Variants in TMEM41B observed in about 807,000 individuals in gnomAD.
The protein encoded by TMEM41B is protein stasimon.
Under a neutral mutation model 31.9 loss-of-function variants are expected in TMEM41B, and 18 were observed. That is an observed-to-expected ratio of 0.56 (90% CI 0.39 to 0.84). The LOEUF (loss-of-function observed/expected upper bound fraction) is 0.84, where lower values mean the gene tolerates loss of function less well. Ranked by LOEUF, TMEM41B falls within the 40% of genes least tolerant of loss-of-function variation. TMEM41B has a pLI of 0.00. For synonymous variants in TMEM41B, 144 were observed against 124.3 expected (o/e 1.16, Z -1.05); for missense variants, 322 against 348.0 (o/e 0.93, Z 0.59).
At chr11:9,307,521 C>T (rs942174094) in intron 1 of TMEM41B, among the ~76,000 whole-genome samples, 6 of 151,774 alleles carry the variant, frequency 4.0e-5, no homozygotes, top group Non-Finnish European at 7.4e-5. Context: ...TGGCTTACCA[C>T]AACCTCCGTC....
chr11:9,307,065 T>C (rs779330104), intron 1 of TMEM41B, among the ~76,000 whole-genome samples: 4 of 152,202 alleles, frequency 2.6e-5, no homozygotes, highest in African/African-American at 4.8e-5. Context: ...ACTTCCAATA[T>C]GCATAAATCC....
intron 1 of TMEM41B, among the ~76,000 whole-genome samples, chr11:9,308,888 C>A (rs1853463947): frequency 6.6e-6 from 1 of 152,124 alleles, no homozygotes. Flanking sequence ...ATTTAGCTTA[C>A]CTGAAGCTTC....
intron 1 of TMEM41B, among the ~76,000 whole-genome samples, chr11:9,312,718 A>C (rs1360608465): frequency 1.3e-5 from 2 of 152,076 alleles, no homozygotes; most frequent in African/African-American, 2.4e-5. Context: ...ATCCTGGCTA[A>C]CAAGGTGAAA....
chr11:9,296,631 A>G (rs1163489978), intron 2 of TMEM41B, among the ~76,000 whole-genome samples: 1 of 151,650 alleles, frequency 6.6e-6, no homozygotes, highest in Non-Finnish European at 1.5e-5. Context: ...AAAGAAAGAA[A>G]GAAAAAAAGA....
At chr11:9,312,698 G>A (rs1590393425) in intron 1 of TMEM41B, among the ~76,000 whole-genome samples, 1 of 152,116 alleles carries the variant, frequency 6.6e-6, no homozygotes, top group Non-Finnish European at 1.5e-5. Context: ...CAGGTCAGGA[G>A]ATCGAGACCA....
chr11:9,312,419 T>C (rs1433825755), intron 1 of TMEM41B, among the ~76,000 whole-genome samples: 2 of 152,214 alleles, frequency 1.3e-5, no homozygotes, highest in Non-Finnish European at 2.9e-5. Flanking sequence ...GAAGATCGCA[T>C]GAGCCCAGGT....
Position 9,289,214 on chromosome 11 carries a change from C to A in TMEM41B, c.369-679G>T, listed in dbSNP as rs530327921. On this transcript the variant is annotated intron_variant, in intron 3 of 6. Transcript: ENST00000528080. ...GTCTGGCTGAGTTGCCCAGGCTAGT[C>A]TTGAACTCCTGGGCTCAAACGATCC... Among the ~76,000 whole-genome samples the A allele has an allele frequency of 1.8e-4, 27 of 152,262 alleles. 1 individual carries two copies. In the East Asian group the frequency reaches 3.5e-3, roughly 20 times the overall value.
chr11:9,284,714 G>T (rs903148130), intron 6 of TMEM41B, among the ~76,000 whole-genome samples: 3 of 151,880 alleles, frequency 2.0e-5, no homozygotes. Flanking sequence ...AATGAGCTGA[G>T]ATCACGCCAC....
chr11:9,309,968 C>T (rs933737372), intron 1 of TMEM41B, among the ~76,000 whole-genome samples: 1 of 151,074 alleles, frequency 6.6e-6, no homozygotes, highest in Non-Finnish European at 1.5e-5. Context: ...TTTCTAGAAG[C>T]AATAAAATCA....
intron 5 of TMEM41B, among the ~76,000 whole-genome samples, chr11:9,287,287 G>C (rs1590371733): frequency 1.3e-5 from 2 of 152,230 alleles, no homozygotes. Context: ...CTCCAGCCTG[G>C]GTGACAGAGT....
At position 9,312,339 on chromosome 11, in the gene TMEM41B, C is replaced by CA. The variant is rs568138558; in HGVS notation, c.121+1981dup. ...TCAAGACACCCTGGCCCCTTCTCTA[C>CA]AAAAAACAAATAATTAGCTGAGCAT... On this transcript the variant is annotated intron_variant, in intron 1 of 6. Transcript: ENST00000528080. Among the ~76,000 whole-genome samples, 38 of 152,218 alleles carry CA rather than the reference C, an allele frequency of 2.5e-4. No homozygotes were observed. In the South Asian group the frequency reaches 7.3e-3, roughly 29 times the overall value.
chr11:9,313,851 G>C (rs915798708), intron 1 of TMEM41B, among the ~76,000 whole-genome samples: 2 of 152,074 alleles, frequency 1.3e-5, no homozygotes, highest in Non-Finnish European at 2.9e-5. Context: ...GTAAACAGTA[G>C]GGCAGGGACT....
At chr11:9,313,225 A>C (rs1853605180) in intron 1 of TMEM41B, among the ~76,000 whole-genome samples, 1 of 152,338 alleles carries the variant, frequency 6.6e-6, no homozygotes, top group Admixed American at 6.5e-5. Flanking sequence ...AAATTATATG[A>C]AGTCACCTGG....
intron 3 of TMEM41B, among the ~76,000 whole-genome samples, chr11:9,294,737 A>C (rs1853044105): frequency 1.3e-5 from 2 of 152,088 alleles, no homozygotes; most frequent in African/African-American, 4.8e-5. Flanking sequence ...ATATATATCA[A>C]AAATTGTAAA....
At position 9,303,655 on chromosome 11, in the gene TMEM41B, T is replaced by C. The variant is rs925948233; in HGVS notation, c.122-3954A>G. ...TAGTCCCTATTATTCTTTTTCTTTT[T>C]TTTTTTTTTTTTTTTTGAGACAGAG... On this transcript the variant is annotated intron_variant, in intron 1 of 6. Transcript: ENST00000528080. Among the ~76,000 whole-genome samples, 8 of 139,258 alleles carry C rather than the reference T, an allele frequency of 5.7e-5. No individual in the cohort carries two copies. In the South Asian group the frequency reaches 7.3e-4, roughly 13 times the overall value. 91.4% of individuals were successfully genotyped at this position (139,258 alleles called of 152,430 possible).
Position 9,283,234 on chromosome 11 carries a change from T to C in TMEM41B, c.*190A>G, listed in dbSNP as rs183148789. The C allele has an allele frequency of 4.2e-5, 22 of 521,348 alleles. No individual in the cohort carries two copies. The highest frequency in any genetic ancestry group is 1.1e-4 in the Admixed American group (3 of 27,256). The allele number at this position is 521,348 out of a possible 1,614,324, so 32.3% of individuals were successfully genotyped here. A position where few individuals can be genotyped will look rare whatever the true frequency, so the allele number is the denominator to read the frequency against. ...TAACTATTGATAGCACTTTTCACAG[T>C]ATACCAATTTCCATTTTTACTTTCT... On this transcript the variant is annotated 3_prime_UTR_variant, in exon 7 of 7. Transcript: ENST00000528080.
At chr11:9,304,042 C>T (rs1476838366) in intron 1 of TMEM41B, among the ~76,000 whole-genome samples, 1 of 152,140 alleles carries the variant, frequency 6.6e-6, no homozygotes, top group Non-Finnish European at 1.5e-5. Flanking sequence ...TCAACTCTTA[C>T]TTATGAAATT....
chr11:9,305,979 CTTT>C (rs746744551), intron 1 of TMEM41B, among the ~76,000 whole-genome samples: 1 of 117,996 alleles, frequency 8.5e-6, no homozygotes, highest in Non-Finnish European at 1.7e-5. Context: ...CAGCACTTTT[CTTT>C]TTTTTTTTTT....
chr11:9,296,072 G>T (rs1334558956), intron 2 of TMEM41B, among the ~76,000 whole-genome samples: 2 of 150,476 alleles, frequency 1.3e-5, no homozygotes, highest in East Asian at 4.0e-4. Context: ...GGCCAGGCTG[G>T]TCTCAAATTC....
Sources: allele counts gnomAD v4.1 joint callset (sites outside exome capture counted in the v4.1 genomes callset), GRCh38; gene constraint gnomAD v4.1.1; transcripts MANE v1.5; gene names NCBI Gene and HGNC (gene_info 2026-07-23, HGNC 2026-07-21).